MAP2K6: variants seen among roughly 807,000 people sequenced by gnomAD.
MAP2K6 encodes mitogen-activated protein kinase kinase 6, also known as dual specificity mitogen-activated protein kinase kinase 6.
MAP2K6 carries 16 observed loss-of-function variants against 53.7 expected under a neutral mutation model. That is an observed-to-expected ratio of 0.30 (90% confidence interval 0.20 to 0.45). The LOEUF (loss-of-function observed/expected upper bound fraction) is 0.45. MAP2K6 is among the 20% of genes least tolerant of loss of function. The pLI is 1.00. For missense variants in MAP2K6, 204 were observed against 411.9 expected (o/e 0.50, Z 4.37); for synonymous variants, 132 against 143.1 (o/e 0.92, Z 0.55).
intron 1 of MAP2K6, among the ~76,000 whole-genome samples, chr17:69,489,110 C>A (rs1436933161): frequency 1.3e-5 from 2 of 151,292 alleles, no homozygotes; most frequent in Admixed American, 6.6e-5. Flanking sequence ...ATCCCAGCTA[C>A]TCAGGAGGCT....
chr17:69,500,494 C>T (rs1341967644), intron 1 of MAP2K6, among the ~76,000 whole-genome samples: 1 of 143,066 alleles, frequency 7.0e-6, no homozygotes, highest in Non-Finnish European at 1.5e-5. Context: ...TGGTGGCTCA[C>T]GCCTATAATC....
At chr17:69,466,895 G>T (rs947884451) in intron 1 of MAP2K6, among the ~76,000 whole-genome samples, 5 of 152,142 alleles carry the variant, frequency 3.3e-5, no homozygotes, top group African/African-American at 1.2e-4. Context: ...TTGAAATATT[G>T]TGTATCTGGG....
chr17:69,430,706 C>G (rs1906434641), intron 1 of MAP2K6, among the ~76,000 whole-genome samples: 1 of 152,152 alleles, frequency 6.6e-6, no homozygotes, highest in Non-Finnish European at 1.5e-5. Flanking sequence ...CAGAGGAAAA[C>G]AGGAAGCAGT....
intron 1 of MAP2K6, among the ~76,000 whole-genome samples, chr17:69,428,195 G>T (rs1357035645): frequency 6.6e-6 from 1 of 152,144 alleles, no homozygotes; most frequent in Non-Finnish European, 1.5e-5. Context: ...CCACAAATTG[G>T]GTGGCTTAAA....
chr17:69,497,234 G>T (rs1364271939), intron 1 of MAP2K6, among the ~76,000 whole-genome samples: 1 of 152,174 alleles, frequency 6.6e-6, no homozygotes, highest in African/African-American at 2.4e-5. Context: ...TGAACAGATG[G>T]GTTCACTTAA....
At chr17:69,472,151 C>T (rs990680964) in intron 1 of MAP2K6, among the ~76,000 whole-genome samples, 1 of 152,114 alleles carries the variant, frequency 6.6e-6, no homozygotes, top group African/African-American at 2.4e-5. Context: ...AACATATTCA[C>T]ACATGCTACA....
At chr17:69,537,931 G>C (rs1381429338) in intron 11 of MAP2K6, among the ~76,000 whole-genome samples, 1 of 152,206 alleles carries the variant, frequency 6.6e-6, no homozygotes, top group Middle Eastern at 3.4e-3. Context: ...TTATGCACCC[G>C]CTAGGCCATT....
At chr17:69,534,642 T>G (rs1911265156) in intron 10 of MAP2K6, among the ~76,000 whole-genome samples, 1 of 152,152 alleles carries the variant, frequency 6.6e-6, no homozygotes, top group African/African-American at 2.4e-5. Context: ...CTCATGGTTC[T>G]GTACCTTACC....
intron 1 of MAP2K6, among the ~76,000 whole-genome samples, chr17:69,437,275 CA>C (rs1906678067): frequency 6.6e-6 from 1 of 151,942 alleles, no homozygotes; most frequent in Admixed American, 6.6e-5. Context: ...TAAGCTAGAG[CA>C]AAGAAAATGA....
At chr17:69,417,739 C>T (rs1905949753) in intron 1 of MAP2K6, among the ~76,000 whole-genome samples, 2 of 152,178 alleles carry the variant, frequency 1.3e-5, no homozygotes, top group Admixed American at 6.5e-5. Flanking sequence ...GTCATCTACA[C>T]TACCCGGGAG....
intron 11 of MAP2K6, among the ~76,000 whole-genome samples, chr17:69,537,240 G>T (rs962357683): frequency 2.0e-5 from 3 of 152,054 alleles, no homozygotes; most frequent in Non-Finnish European, 4.4e-5. Context: ...ACACATTTTT[G>T]GGGGGGAGAA....
At chr17:69,532,585 C>T (rs528380170) in intron 10 of MAP2K6, among the ~76,000 whole-genome samples, 1 of 152,278 alleles carries the variant, frequency 6.6e-6, no homozygotes, top group Non-Finnish European at 1.5e-5. Flanking sequence ...CAAGTACTTC[C>T]TACTAAACAT....
chr17:69,496,715 C>A (rs1408723500), intron 1 of MAP2K6, among the ~76,000 whole-genome samples: 2 of 151,924 alleles, frequency 1.3e-5, no homozygotes, highest in East Asian at 3.9e-4. Context: ...AGGCAACTTT[C>A]TACCTCTCTG....
intron 1 of MAP2K6, among the ~76,000 whole-genome samples, chr17:69,437,943 G>A (rs1030884642): frequency 6.6e-6 from 1 of 152,198 alleles, no homozygotes; most frequent in Non-Finnish European, 1.5e-5. Flanking sequence ...TAATAATTCT[G>A]TTGCATTGCT....
chr17:69,465,179 G>C (rs1320376711), intron 1 of MAP2K6, among the ~76,000 whole-genome samples: 1 of 150,154 alleles, frequency 6.7e-6, no homozygotes, highest in Admixed American at 6.7e-5. Flanking sequence ...CTATGCATAC[G>C]AGATTGGACC....
intron 10 of MAP2K6, among the ~76,000 whole-genome samples, chr17:69,528,608 C>T (rs963801399): frequency 2.0e-5 from 3 of 151,858 alleles, no homozygotes; most frequent in Non-Finnish European, 4.4e-5. Context: ...CCTGTAATTC[C>T]AGCACTTTGG....
chr17:69,533,120 G>A (rs2144853520), intron 10 of MAP2K6, among the ~76,000 whole-genome samples: 1 of 152,036 alleles, frequency 6.6e-6, no homozygotes, highest in East Asian at 1.9e-4. Flanking sequence ...GTAGAGTCGG[G>A]GTTTCACCGT....
Position 69,427,011 on chromosome 17 carries a change from T to C in MAP2K6, c.16+12011T>C, listed in dbSNP as rs77104360. ...CTCCAGGAAATCTAGAGGTTAATAGTTAAACAAGTATATCATATCAACCAG... is the reference window on the plus strand; with the variant it reads ...CTCCAGGAAATCTAGAGGTTAATAGCTAAACAAGTATATCATATCAACCAG... On this transcript the variant is annotated intron_variant, in intron 1 of 11. Transcript: ENST00000590474. Among the ~76,000 whole-genome samples the C allele has an allele frequency of 2.1e-3, 316 of 152,308 alleles. 6 individuals are homozygous for C. The East Asian group carries it at 0.045, about 22-fold the overall frequency.
chr17:69,505,566 C>A (rs1647265540), intron 1 of MAP2K6: 1 of 463,496 alleles, frequency 2.2e-6, no homozygotes, highest in Non-Finnish European at 3.9e-6. Context: ...TAATGAAAAA[C>A]CTCATTCATG....
Sources: allele counts gnomAD v4.1 joint callset (sites outside exome capture counted in the v4.1 genomes callset), GRCh38; gene constraint gnomAD v4.1.1; transcripts MANE v1.5; gene names NCBI Gene and HGNC (gene_info 2026-07-23, HGNC 2026-07-21).